The following RNF38 variants were observed in gnomAD, a reference collection of about 807,000 sequenced individuals.
RNF38 encodes the protein E3 ubiquitin-protein ligase RNF38.
RNF38 carries 15 observed loss-of-function variants against 67.2 expected under a neutral mutation model. That is an observed-to-expected ratio of 0.22 (90% confidence interval 0.15 to 0.34). The LOEUF (loss-of-function observed/expected upper bound fraction) is 0.34, where lower values mean the gene tolerates loss of function less well. Ranked by LOEUF, RNF38 falls within the 10% of genes least tolerant of loss-of-function variation. The pLI is 1.00. For missense variants in RNF38, 524 were observed against 639.9 expected (o/e 0.82, Z 1.95); for synonymous variants, 220 against 218.8 (o/e 1.01, Z -0.05).
intron 2 of RNF38, among the ~76,000 whole-genome samples, chr9:36,410,688 T>G (rs1838300353): frequency 6.6e-6 from 1 of 152,206 alleles, no homozygotes; most frequent in Non-Finnish European, 1.5e-5. Flanking sequence ...TTTGTCTCTA[T>G]CTCTTTTCTT....
In RNF38 at chr9:36,454,945, G is replaced by A. The variant is rs192289021; in HGVS notation, n.242-30262C>T. Among the ~76,000 whole-genome samples the A allele has an allele frequency of 4.7e-4, 72 of 152,270 alleles. 1 individual carries two copies. Among genetic ancestry groups the A allele is most frequent in the Admixed American group, 2.9e-3 (45 of 15,292 alleles). ...ATATTTATGCTAGTTAACAAAAACT[G>A]TGTTGTATCCAACTAAACTTCATTT... On this transcript the variant is annotated intron_variant and non_coding_transcript_variant, in intron 1 of 3. Coordinates refer to the RNF38 transcript ENST00000488058.
chr9:36,392,947 T>C (rs1837222981), intron 1 of RNF38, among the ~76,000 whole-genome samples: 2 of 152,154 alleles, frequency 1.3e-5, no homozygotes, highest in African/African-American at 4.8e-5. Context: ...AGAGTTAAGA[T>C]TTCATAGAAA....
intron 1 of RNF38, among the ~76,000 whole-genome samples, chr9:36,428,592 G>C (rs964907398): frequency 3.3e-5 from 5 of 151,866 alleles, no homozygotes; most frequent in Non-Finnish European, 7.4e-5. Context: ...TTCAAAGAAG[G>C]CCATACTTAA....
intron 11 of RNF38, among the ~76,000 whole-genome samples, chr9:36,341,101 A>G (rs1832792587): frequency 6.6e-6 from 1 of 152,144 alleles, no homozygotes; most frequent in African/African-American, 2.4e-5. Context: ...TGCTTTCAGG[A>G]TCACACTAAA....
At chr9:36,416,109 A>C (rs910118299) in intron 2 of RNF38, among the ~76,000 whole-genome samples, 1 of 150,660 alleles carries the variant, frequency 6.6e-6, no homozygotes, top group Non-Finnish European at 1.5e-5. Flanking sequence ...CCAGGGCGGA[A>C]AAAGACCATC....
upstream of RNF38, among the ~76,000 whole-genome samples, chr9:36,404,794 T>G (rs896725135): frequency 6.6e-6 from 1 of 152,230 alleles, no homozygotes; most frequent in Non-Finnish European, 1.5e-5. Context: ...CAACATATAC[T>G]CATTTTCTTG....
Position 36,351,179 on chromosome 9 carries a change from G to A in RNF38, c.1199C>T (p.Pro400Leu), listed in dbSNP as rs773214875. The A allele has an allele frequency of 6.2e-7, 1 of 1,612,576 alleles. No homozygotes were observed. The highest frequency in any genetic ancestry group is 8.5e-7 in the Non-Finnish European group (1 of 1,179,146). ...AAAGCTGAAAGTTGGGCCCACTGCA[G>A]GTGGCACTGGAAGCATTGATCTGCA... ...PYVLSMLPVPPAVGPTFSFEL... is the reference protein window; with the variant it reads ...PYVLSMLPVPLAVGPTFSFEL... The change falls in exon 9 of 12, where the codon CCT becomes CTT. Residue 400 changes from proline to leucine, a missense_variant. By Grantham distance (98) the Pro-to-Leu change is moderately conservative. Coordinates refer to ENST00000259605, the MANE Select transcript of RNF38 (RefSeq NM_022781.5).
chr9:36,393,477 T>TTGTGTGTGTG (rs58913703), intron 1 of RNF38, among the ~76,000 whole-genome samples: 2,064 of 87,668 alleles, frequency 0.024, 29 homozygotes, highest in Non-Finnish European at 0.03. Context: ...CACACACACA[T>TTGTGTGTGTG]TGTGTGTGTG....
At chr9:36,361,713 G>T (rs773225615) in intron 4 of RNF38, among the ~76,000 whole-genome samples, 49 of 152,114 alleles carry the variant, frequency 3.2e-4, no homozygotes, top group Non-Finnish European at 6.2e-4. Context: ...CCCACAAAAG[G>T]TTCAGTGCCA....
chr9:36,400,332 C>CT (rs1178557919), upstream of RNF38: 11 of 1,248,982 alleles, frequency 8.8e-6, no homozygotes, highest in Non-Finnish European at 1.0e-5. Flanking sequence ...TCACCTGCGT[C>CT]TCGGCAAAAA....
At chr9:36,423,256 G>A (rs1392254739) in intron 2 of RNF38, among the ~76,000 whole-genome samples, 1 of 152,168 alleles carries the variant, frequency 6.6e-6, no homozygotes, top group Non-Finnish European at 1.5e-5. Context: ...AATAATAAAG[G>A]AGACTCTGGA....
intron 1 of RNF38, among the ~76,000 whole-genome samples, chr9:36,481,720 C>T (rs989876045): frequency 2.0e-5 from 3 of 152,106 alleles, no homozygotes; most frequent in African/African-American, 7.2e-5. Flanking sequence ...CATTCATCCA[C>T]GACAACTGTC....
intron 1 of RNF38, among the ~76,000 whole-genome samples, chr9:36,470,942 C>G (rs1839982271): frequency 6.6e-6 from 1 of 152,166 alleles, no homozygotes; most frequent in Non-Finnish European, 1.5e-5. Context: ...TCTCATTTTC[C>G]TCCACTGAGA....
In RNF38 at chr9:36,397,935, T is replaced by C. The variant is rs370572268; in HGVS notation, c.12+2162A>G. 7.2e-5 allele frequency among the ~76,000 whole-genome samples: 11 copies of C among 152,090 alleles called. No individual in the cohort carries two copies. The South Asian group carries it at 1.9e-3, about 26-fold the overall frequency. The stretch of plus-strand genomic sequence containing the variant: ...TCTAGACCACAAAAGTCCAAACCAA[T>C]AAAAAATTTTATACACTCTCTCCCT... On this transcript the variant is annotated intron_variant, in intron 1 of 11. Coordinates refer to ENST00000259605, the MANE Select transcript of RNF38 (RefSeq NM_022781.5).
chr9:36,455,353 T>G (rs1284704694), intron 1 of RNF38, among the ~76,000 whole-genome samples: 1 of 151,984 alleles, frequency 6.6e-6, no homozygotes, highest in Non-Finnish European at 1.5e-5. Flanking sequence ...TTAGCCACTG[T>G]GTCCAGCCTT....
chr9:36,449,967 CAT>C (rs1430522241), intron 1 of RNF38, among the ~76,000 whole-genome samples: 1 of 152,184 alleles, frequency 6.6e-6, no homozygotes, highest in Admixed American at 6.5e-5. Flanking sequence ...TATTGACAAA[CAT>C]ATTCGCTCTG....
At chr9:36,430,309 C>T (rs559119714) in intron 1 of RNF38, among the ~76,000 whole-genome samples, 6 of 152,088 alleles carry the variant, frequency 3.9e-5, no homozygotes, top group Non-Finnish European at 2.9e-5. Context: ...CGGGTTCAAG[C>T]GATTCTCCTG....
At chr9:36,378,842 A>G (rs1835988504) in intron 2 of RNF38, among the ~76,000 whole-genome samples, 1 of 152,102 alleles carries the variant, frequency 6.6e-6, no homozygotes, top group African/African-American at 2.4e-5. Context: ...GTGACAAAGA[A>G]GAGACAAAGA....
chr9:36,472,512 G>A (rs1232939505), intron 1 of RNF38, among the ~76,000 whole-genome samples: 1 of 152,154 alleles, frequency 6.6e-6, no homozygotes, highest in Non-Finnish European at 1.5e-5. Flanking sequence ...GGACATCCCT[G>A]GCCAGCAGTT....
Sources: gnomAD v4.1 joint callset for allele counts (sites outside exome capture counted in the v4.1 genomes callset) on GRCh38, gnomAD v4.1.1 for gene constraint, MANE v1.5 for transcripts, NCBI Gene and HGNC (gene_info 2026-07-23, HGNC 2026-07-21) for gene names.